The following PTER variants were observed in gnomAD, a reference collection of about 807,000 sequenced individuals.
PTER encodes phosphotriesterase related, also known as N-acetyltaurine hydrolase.
Under a neutral mutation model 29.6 loss-of-function variants are expected in PTER, and 38 were observed. The observed-to-expected ratio is 1.28, with a 90% CI of 0.99 to 1.68. The LOEUF is 1.68. Ranked by LOEUF, PTER falls within the 40% of genes most tolerant of loss-of-function variation. The pLI, the probability that PTER is intolerant of heterozygous loss-of-function variation, is 0.00. For missense variants in PTER, 482 were observed against 427.8 expected (o/e 1.13, Z -1.12); for synonymous variants, 172 against 154.5 (o/e 1.11, Z -0.84).
At chr10:16,457,836 C>T (rs1834468999) in intron 1 of PTER, among the ~76,000 whole-genome samples, 1 of 152,122 alleles carries the variant, frequency 6.6e-6, no homozygotes, top group Non-Finnish European at 1.5e-5. Context: ...TCTCAACTCC[C>T]AGCCTCAGGT....
rs551687534 is a variant in PTER at position 16,497,856 on chromosome 10, C to G, written c.699-7164C>G. Among the ~76,000 whole-genome samples the G allele has an allele frequency of 4.6e-5, 7 of 152,196 alleles. No homozygotes were observed. The South Asian group carries it at 6.2e-4, about 14-fold the overall frequency. On this transcript the variant is annotated intron_variant, in intron 3 of 4. Transcript: ENST00000535784. Reference sequence around the variant, plus strand: ...CACCTGTCTTGCATTATAGTACCAGCCTTAAGAAACTGGGTATATGATAAC... The same window carrying G: ...CACCTGTCTTGCATTATAGTACCAGGCTTAAGAAACTGGGTATATGATAAC...
chr10:16,518,327 G>A (rs1433548710), downstream of PTER, among the ~76,000 whole-genome samples: 2 of 152,234 alleles, frequency 1.3e-5, no homozygotes, highest in East Asian at 1.9e-4. Flanking sequence ...AAAAAAAAAT[G>A]TTTACCACTA....
chr10:16,487,924 GC>G (rs1240969972), intron 3 of PTER, among the ~76,000 whole-genome samples: 1 of 152,116 alleles, frequency 6.6e-6, no homozygotes, highest in Non-Finnish European at 1.5e-5. Flanking sequence ...TTATGAGGCT[GC>G]AGTGAACCAT....
At chr10:16,486,712 T>G in intron 3 of PTER, 95 bp downstream of exon 3, 1 of 1,354,292 alleles carries the variant, frequency 7.4e-7, no homozygotes, top group Non-Finnish European at 1.0e-6. Context: ...GCAATACTAA[T>G]CACGCAGAGA....
At chr10:16,502,868 A>C (rs1836406055) in intron 3 of PTER, among the ~76,000 whole-genome samples, 1 of 151,484 alleles carries the variant, frequency 6.6e-6, no homozygotes, top group Non-Finnish European at 1.5e-5. Flanking sequence ...ACACACCTGT[A>C]GTCCCAGCTA....
intron 1 of PTER, among the ~76,000 whole-genome samples, chr10:16,483,687 A>T (rs1835568742): frequency 6.6e-6 from 1 of 152,124 alleles, no homozygotes; most frequent in Admixed American, 6.6e-5. Context: ...ATCTCCTAAA[A>T]ATGCAAAAAT....
chr10:16,486,586 A>G lies in PTER; in HGVS notation c.667A>G (p.Ile223Val). Residue 223 changes from isoleucine to valine, a missense_variant, in exon 3 of 5, where the codon ATC becomes GTC. Coordinates refer to ENST00000535784, the MANE Select transcript of PTER (RefSeq NM_001261836.2). ...IRILQEAGAD[I>V]SKTVMSHLDR... ...AATATTGCAAGAAGCAGGCGCAGAC[A>G]TCTCCAAAACAGTCATGTCACACCT... The G allele has an allele frequency of 1.9e-6, 3 of 1,613,898 alleles. No individual in the cohort carries two copies. Among genetic ancestry groups the G allele is most frequent in the Middle Eastern group, 1.7e-4 (1 of 6,058 alleles).
intron 1 of PTER, among the ~76,000 whole-genome samples, chr10:16,478,746 T>G (rs1367591109): frequency 6.6e-6 from 1 of 152,154 alleles, no homozygotes; most frequent in East Asian, 1.9e-4. Context: ...GGCCATCTGC[T>G]CAACCCTGGT....
At chr10:16,473,593 C>G (rs770709867) in intron 1 of PTER, among the ~76,000 whole-genome samples, 4 of 139,402 alleles carry the variant, frequency 2.9e-5, no homozygotes, top group Non-Finnish European at 6.1e-5. Context: ...ATATCACTTT[C>G]TGTTCCTGCC....
At chr10:16,502,875 G>C (rs1252449958) in intron 3 of PTER, among the ~76,000 whole-genome samples, 3 of 150,932 alleles carry the variant, frequency 2.0e-5, no homozygotes, top group Non-Finnish European at 4.4e-5. Context: ...TGTAGTCCCA[G>C]CTACTCGGGA....
intron 1 of PTER, among the ~76,000 whole-genome samples, chr10:16,477,256 T>TTTGATAGATAGA (rs1216913056): frequency 2.9e-5 from 2 of 69,486 alleles, no homozygotes; most frequent in African/African-American, 6.4e-5. Context: ...CATTCTGTCT[T>TTTGATAGATAGA]TCGATAGATA....
At chr10:16,437,960 G>A (rs2133347166) in intron 1 of PTER, among the ~76,000 whole-genome samples, 1 of 152,288 alleles carries the variant, frequency 6.6e-6, no homozygotes, top group South Asian at 2.1e-4. Context: ...AAAGAGTAGA[G>A]CCCTATTCTA....
At chr10:16,489,161 T>C (rs1401075139) in intron 3 of PTER, among the ~76,000 whole-genome samples, 1 of 152,216 alleles carries the variant, frequency 6.6e-6, no homozygotes, top group East Asian at 1.9e-4. Flanking sequence ...TTGATCTTCC[T>C]ATTTACTACT....
At chr10:16,452,740 C>T (rs1301402276) in intron 1 of PTER, among the ~76,000 whole-genome samples, 2 of 151,384 alleles carry the variant, frequency 1.3e-5, no homozygotes, top group African/African-American at 2.4e-5. Flanking sequence ...ACTTCTACTT[C>T]TTCCTCATTT....
downstream of PTER, among the ~76,000 whole-genome samples, chr10:16,517,631 A>G (rs113173134): frequency 0.012 from 1,812 of 152,274 alleles, 31 homozygotes; most frequent in African/African-American, 0.041. Flanking sequence ...GCTTTCAACA[A>G]ATGGTAGGAT....
At chr10:16,446,833 G>A (rs147358996) in intron 1 of PTER, among the ~76,000 whole-genome samples, 236 of 151,664 alleles carry the variant, frequency 1.6e-3, no homozygotes, top group Admixed American at 4.1e-3. Flanking sequence ...CTGTTGACTC[G>A]GCGAGAGTGC....
At chr10:16,470,224 T>C (rs1192031396) in intron 1 of PTER, among the ~76,000 whole-genome samples, 1 of 152,138 alleles carries the variant, frequency 6.6e-6, no homozygotes, top group Non-Finnish European at 1.5e-5. Flanking sequence ...AATGCATTCG[T>C]GAAAATTTGA....
chr10:16,450,851 C>T (rs997618422), intron 1 of PTER, among the ~76,000 whole-genome samples: 4 of 152,144 alleles, frequency 2.6e-5, no homozygotes, highest in Non-Finnish European at 5.9e-5. Context: ...GTCACTAAAC[C>T]CCTTGCCCCT....
intron 3 of PTER, among the ~76,000 whole-genome samples, chr10:16,491,404 G>A (rs1464432735): frequency 6.6e-6 from 1 of 152,196 alleles, no homozygotes; most frequent in African/African-American, 2.4e-5. Flanking sequence ...TGGCCATGCT[G>A]AAGTTTGACT....
Sources: gnomAD v4.1 joint callset for allele counts (sites outside exome capture counted in the v4.1 genomes callset) on GRCh38, gnomAD v4.1.1 for gene constraint, MANE v1.5 for transcripts, NCBI Gene and HGNC (gene_info 2026-07-23, HGNC 2026-07-21) for gene names.